The following NRCAM variants were observed in gnomAD, a reference collection of about 807,000 sequenced individuals.
The protein encoded by NRCAM is neuronal cell adhesion molecule.
NRCAM carries 83 observed loss-of-function variants against 156.5 expected under a neutral mutation model. The ratio of observed to expected loss-of-function variants is 0.53; its 90% CI spans 0.44 to 0.64. The LOEUF is 0.64. Among genes scored for constraint, NRCAM ranks in the 30% least tolerant of loss-of-function variants. The pLI, the probability that NRCAM is intolerant of heterozygous loss-of-function variation, is 0.00. For synonymous variants in NRCAM, 538 were observed against 563.9 expected (o/e 0.95, Z 0.65); for missense variants, 1,417 against 1,597.3 (o/e 0.89, Z 1.92).
At chr7:108,246,060 T>C (rs980254223) in intron 3 of NRCAM, among the ~76,000 whole-genome samples, 8 of 152,188 alleles carry the variant, frequency 5.3e-5, no homozygotes, top group Admixed American at 1.3e-4. Flanking sequence ...GTTGTCAGGA[T>C]TGGCTTCTGG....
intron 2 of NRCAM, among the ~76,000 whole-genome samples, chr7:108,390,056 G>A (rs1173988720): frequency 6.6e-6 from 1 of 152,160 alleles, no homozygotes; most frequent in Non-Finnish European, 1.5e-5. Context: ...GTATCAGGAT[G>A]ATGCTGGCCT....
chr7:108,374,849 G>T (rs2099666055), intron 2 of NRCAM, among the ~76,000 whole-genome samples: 2 of 152,138 alleles, frequency 1.3e-5, no homozygotes, highest in South Asian at 4.1e-4. Context: ...GGGTTCCAAA[G>T]AGAGTACAAA....
chr7:108,356,095 T>G (rs1455196347), intron 2 of NRCAM, among the ~76,000 whole-genome samples: 3 of 152,066 alleles, frequency 2.0e-5, no homozygotes, highest in Non-Finnish European at 4.4e-5. Context: ...ACTACAGGCA[T>G]GTACCACCAC....
At chr7:108,184,855 C>A (rs1483942582) in intron 20 of NRCAM, among the ~76,000 whole-genome samples, 1 of 151,942 alleles carries the variant, frequency 6.6e-6, no homozygotes, top group Non-Finnish European at 1.5e-5. Flanking sequence ...TTAATTTCTC[C>A]TATTACAAAA....
At chr7:108,382,324 G>A (rs968340523) in intron 2 of NRCAM, among the ~76,000 whole-genome samples, 6 of 152,150 alleles carry the variant, frequency 3.9e-5, no homozygotes, top group East Asian at 1.9e-4. Flanking sequence ...GGCTGGGCGC[G>A]GTGGTTCATG....
At chr7:108,337,234 G>A (rs1187770805) in intron 2 of NRCAM, among the ~76,000 whole-genome samples, 8 of 149,582 alleles carry the variant, frequency 5.3e-5, no homozygotes, top group Non-Finnish European at 1.0e-4. Context: ...CTGCACTCCA[G>A]CCTGGGTGAC....
chr7:108,303,765 G>A (rs2098670348), intron 3 of NRCAM, among the ~76,000 whole-genome samples: 1 of 152,078 alleles, frequency 6.6e-6, no homozygotes, highest in Non-Finnish European at 1.5e-5. Context: ...CCTGGGGGAT[G>A]TCCACCCATG....
intron 10 of NRCAM, 137 bp from the exon 11 acceptor site, chr7:108,223,973 C>G: frequency 5.1e-6 from 3 of 590,012 alleles, no homozygotes; most frequent in Non-Finnish European, 9.1e-6. Flanking sequence ...TGTTAAGCTA[C>G]ATACACATAC....
At chr7:108,347,264 C>T (rs1332166313) in intron 2 of NRCAM, among the ~76,000 whole-genome samples, 2 of 152,008 alleles carry the variant, frequency 1.3e-5, no homozygotes, top group African/African-American at 4.8e-5. Flanking sequence ...TCTCGATCTC[C>T]TGACCTTGTG....
At chr7:108,189,916 G>A (rs1412941854) in intron 19 of NRCAM, among the ~76,000 whole-genome samples, 170 bp from the exon 20 acceptor site, 5 of 152,116 alleles carry the variant, frequency 3.3e-5, no homozygotes, top group African/African-American at 7.2e-5. Context: ...GGGAACACAC[G>A]AACACACACA....
intron 19 of NRCAM, among the ~76,000 whole-genome samples, chr7:108,190,543 T>C (rs1587400272): frequency 6.6e-6 from 1 of 152,270 alleles, no homozygotes; most frequent in East Asian, 1.9e-4. Flanking sequence ...ATTGGATAAT[T>C]AGACACAATA....
chr7:108,300,812 C>T (rs2098594202), intron 3 of NRCAM, among the ~76,000 whole-genome samples: 3 of 152,048 alleles, frequency 2.0e-5, no homozygotes, highest in Admixed American at 2.0e-4. Context: ...TTTTTAAATT[C>T]AAATTTTTGA....
At chr7:108,235,643 G>C (rs902135036) in intron 5 of NRCAM, among the ~76,000 whole-genome samples, 3 of 152,112 alleles carry the variant, frequency 2.0e-5, no homozygotes, top group Non-Finnish European at 4.4e-5. Context: ...ACAGACCAGT[G>C]GTTCTCTACC....
At chr7:108,301,973 G>A (rs2098629937) in intron 3 of NRCAM, among the ~76,000 whole-genome samples, 1 of 151,468 alleles carries the variant, frequency 6.6e-6, no homozygotes, top group African/African-American at 2.4e-5. Flanking sequence ...TTATTAAGAT[G>A]AAAATGTTTC....
chr7:108,262,246 G>A (rs1027693331), intron 3 of NRCAM, among the ~76,000 whole-genome samples: 2 of 152,058 alleles, frequency 1.3e-5, no homozygotes, highest in African/African-American at 4.8e-5. Flanking sequence ...TGCTCCCAGG[G>A]TGCATCACCC....
chr7:108,158,764 TTC>T (rs1205720406), intron 32 of NRCAM, among the ~76,000 whole-genome samples: 3 of 152,194 alleles, frequency 2.0e-5, no homozygotes. Flanking sequence ...CGTACTTTGT[TTC>T]TGTTTAATTT....
intron 6 of NRCAM, among the ~76,000 whole-genome samples, chr7:108,234,210 C>T (rs2094647379): frequency 6.6e-6 from 1 of 152,166 alleles, no homozygotes; most frequent in South Asian, 2.1e-4. Flanking sequence ...TCAAAAGGCT[C>T]TTTCCATAAC....
At chr7:108,253,063 G>C (rs2096451323) in intron 3 of NRCAM, among the ~76,000 whole-genome samples, 1 of 152,228 alleles carries the variant, frequency 6.6e-6, no homozygotes, top group African/African-American at 2.4e-5. Flanking sequence ...AAGCTTTAAA[G>C]CTGCAGCATT....
intron 3 of NRCAM, among the ~76,000 whole-genome samples, chr7:108,305,585 CT>C (rs1312250243): frequency 6.6e-6 from 1 of 152,132 alleles, no homozygotes; most frequent in African/African-American, 2.4e-5. Flanking sequence ...CCATTCTCTC[CT>C]TTCATAACCT....
Sources: allele counts gnomAD v4.1 joint callset (sites outside exome capture counted in the v4.1 genomes callset), GRCh38; gene constraint gnomAD v4.1.1; transcripts MANE v1.5; gene names NCBI Gene and HGNC (gene_info 2026-07-23, HGNC 2026-07-21).